The following SERINC5 variants were observed in gnomAD, a reference collection of about 807,000 sequenced individuals.
SERINC5 encodes chromosome 5 open reading frame 12.
SERINC5 carries 41 observed loss-of-function variants against 63.1 expected under a neutral mutation model. That is an observed-to-expected ratio of 0.65 (90% CI 0.51 to 0.84). The LOEUF (loss-of-function observed/expected upper bound fraction) is 0.84. SERINC5 is among the 40% of genes least tolerant of loss of function. The pLI is 0.00. For missense variants in SERINC5, 523 were observed against 573.0 expected (o/e 0.91, Z 0.89); for synonymous variants, 222 against 215.2 (o/e 1.03, Z -0.28).
At chr5:80,203,619 T>C (rs867584714) in intron 1 of SERINC5, among the ~76,000 whole-genome samples, 1 of 152,150 alleles carries the variant, frequency 6.6e-6, no homozygotes, top group African/African-American at 2.4e-5. Context: ...AAAACAATCA[T>C]ATTAGGTTGG....
At chr5:80,185,735 AC>A (rs1432221859) in intron 2 of SERINC5, among the ~76,000 whole-genome samples, 1 of 151,752 alleles carries the variant, frequency 6.6e-6, no homozygotes, top group Admixed American at 6.6e-5. Context: ...GAGCTTTTTG[AC>A]CCCGGATGAG....
chr5:80,143,932 T>A, intron 11 of SERINC5, 122 bp from the exon 12 acceptor site: 1 of 1,181,962 alleles, frequency 8.5e-7, no homozygotes, highest in Non-Finnish European at 1.2e-6. Flanking sequence ...CACAGACTTG[T>A]GCTACCATCA....
intron 8 of SERINC5, among the ~76,000 whole-genome samples, chr5:80,156,422 G>A (rs562038020): frequency 3.3e-5 from 5 of 152,216 alleles, no homozygotes; most frequent in Admixed American, 6.5e-5. Context: ...CTGACCCCTC[G>A]AAGAGCTGCA....
intron 1 of SERINC5, among the ~76,000 whole-genome samples, chr5:80,220,479 G>A (rs1750853829): frequency 6.6e-6 from 1 of 152,216 alleles, no homozygotes; most frequent in African/African-American, 2.4e-5. Context: ...TATTTGTTCA[G>A]TCAAACCTAG....
chr5:80,212,713 G>A (rs1212486595), intron 1 of SERINC5, among the ~76,000 whole-genome samples: 2 of 151,754 alleles, frequency 1.3e-5, no homozygotes, highest in Non-Finnish European at 2.9e-5. Flanking sequence ...ACAGTGCCAG[G>A]TACTGTCCTT....
At chr5:80,253,653 A>C (rs536354853) in intron 1 of SERINC5, among the ~76,000 whole-genome samples, 1 of 152,128 alleles carries the variant, frequency 6.6e-6, no homozygotes, top group East Asian at 1.9e-4. Flanking sequence ...GCCTCTCCTC[A>C]CTGAGCAGTC....
At chr5:80,170,845 GTC>G (rs1747604358) in intron 5 of SERINC5, among the ~76,000 whole-genome samples, 1 of 152,088 alleles carries the variant, frequency 6.6e-6, no homozygotes, top group Non-Finnish European at 1.5e-5. Context: ...GCAAAACCTT[GTC>G]TCTACAAAAA....
chr5:80,185,025 C>T (rs147957583), intron 2 of SERINC5, among the ~76,000 whole-genome samples: 1 of 152,258 alleles, frequency 6.6e-6, no homozygotes, highest in African/African-American at 2.4e-5. Context: ...TACAGGCATA[C>T]ACCACTATGC....
At chr5:80,117,568 C>G (rs921509050) in intron 11 of SERINC5, among the ~76,000 whole-genome samples, 2 of 149,422 alleles carry the variant, frequency 1.3e-5, no homozygotes, top group African/African-American at 4.9e-5. Flanking sequence ...ACTCCTTCAG[C>G]CTTGAATTAT....
At chr5:80,230,571 C>T (rs966233) in intron 1 of SERINC5, among the ~76,000 whole-genome samples, 5 of 151,642 alleles carry the variant, frequency 3.3e-5, no homozygotes, top group Non-Finnish European at 5.9e-5. Context: ...CAACAACAGC[C>T]GCCACTCTCA....
intron 1 of SERINC5, among the ~76,000 whole-genome samples, chr5:80,239,958 C>G (rs1580211165): frequency 6.6e-6 from 1 of 152,276 alleles, no homozygotes; most frequent in South Asian, 2.1e-4. Flanking sequence ...CAGCTCTCTC[C>G]CTCAGACAGC....
At chr5:80,238,499 C>T (rs1401197497) in intron 1 of SERINC5, among the ~76,000 whole-genome samples, 1 of 151,920 alleles carries the variant, frequency 6.6e-6, no homozygotes, top group African/African-American at 2.4e-5. Context: ...AAACCCCAAT[C>T]CAGAGCCAGG....
At chr5:80,148,185 TA>T (rs1480536270) in intron 9 of SERINC5, among the ~76,000 whole-genome samples, 6 of 122,792 alleles carry the variant, frequency 4.9e-5, no homozygotes, top group East Asian at 2.5e-4. Flanking sequence ...GCGTATTTTT[TA>T]TTCTTTTTTT....
intron 1 of SERINC5, among the ~76,000 whole-genome samples, chr5:80,254,483 T>C (rs1752559973): frequency 6.6e-6 from 1 of 152,200 alleles, no homozygotes; most frequent in Admixed American, 6.5e-5. Flanking sequence ...AACTTGGGAA[T>C]GGCAGAAAGA....
intron 9 of SERINC5, 146 bp downstream of exon 9, chr5:80,150,736 A>G (rs1207663068): frequency 3.0e-6 from 2 of 668,570 alleles, no homozygotes; most frequent in East Asian, 5.5e-5. Context: ...ACACCCGGCC[A>G]GCATTTATTT....
chr5:80,239,575 T>C lies in SERINC5; in HGVS notation c.27+16321A>G, dbSNP rs115434367. Among the ~76,000 whole-genome samples, 1,401 of 151,816 alleles carry C rather than the reference T, an allele frequency of 9.2e-3. 18 individuals are homozygous for C. Among genetic ancestry groups the C allele is most frequent in the Non-Finnish European group, 0.013 (872 of 67,976 alleles). ...CATGAAAACCCAATCATCATGCTTATGAACTAAAAAGGAAACTGGATTCTT... is the reference window on the plus strand; with the variant it reads ...CATGAAAACCCAATCATCATGCTTACGAACTAAAAAGGAAACTGGATTCTT... On this transcript the variant is annotated intron_variant, in intron 1 of 11. Transcript: ENST00000507668.
At chr5:80,125,658 C>A (rs1744719591) in intron 11 of SERINC5, among the ~76,000 whole-genome samples, 1 of 152,130 alleles carries the variant, frequency 6.6e-6, no homozygotes, top group Non-Finnish European at 1.5e-5. Context: ...TGAAAGCTCA[C>A]CATGGCTGGA....
chr5:80,139,455 T>C lies in SERINC5; in HGVS notation c.*4208A>G, dbSNP rs376337822. On this transcript the variant is annotated 3_prime_UTR_variant, in exon 12 of 12. Coordinates refer to ENST00000507668, the MANE Select transcript of SERINC5 (RefSeq NM_001174072.3). ...TCCTATAGAAGTGGATTGGGACATA[T>C]GCATTCTTAATCTGCCCTTCCCCAT... The C allele has an allele frequency of 4.1e-6, 4 of 985,350 alleles. No individual in the cohort carries two copies. Among genetic ancestry groups the C allele is most frequent in the African/African-American group, 3.5e-5 (2 of 57,334 alleles). The allele number at this position is 985,350 out of a possible 1,614,324, so 61.0% of individuals were successfully genotyped here. A position where few individuals can be genotyped will look rare whatever the true frequency, so the allele number is the denominator to read the frequency against.
intron 1 of SERINC5, among the ~76,000 whole-genome samples, chr5:80,208,720 G>A (rs1418673344): frequency 6.6e-6 from 1 of 152,180 alleles, no homozygotes; most frequent in African/African-American, 2.4e-5. Flanking sequence ...AATCCTTCCA[G>A]AAACTCCTCT....
Sources: allele counts gnomAD v4.1 joint callset (sites outside exome capture counted in the v4.1 genomes callset), GRCh38; gene constraint gnomAD v4.1.1; transcripts MANE v1.5; gene names NCBI Gene and HGNC (gene_info 2026-07-23, HGNC 2026-07-21).